Variants in OPRM1 observed in about 807,000 individuals in gnomAD.
OPRM1 encodes the protein opioid receptor mu 1, also known as mu-type opioid receptor.
Under a neutral mutation model 31.8 loss-of-function variants are expected in OPRM1, and 27 were observed. That is an observed-to-expected ratio of 0.85 (90% CI 0.63 to 1.17). OPRM1 has a LOEUF of 1.17. OPRM1 is among the 50% of genes most tolerant of loss of function. The pLI is 0.00. For missense variants in OPRM1, 536 were observed against 511.1 expected (o/e 1.05, Z -0.47); for synonymous variants, 196 against 189.9 (o/e 1.03, Z -0.26).
intron 1 of OPRM1, among the ~76,000 whole-genome samples, chr6:154,057,504 G>C (rs1783543589): frequency 6.6e-6 from 1 of 152,086 alleles, no homozygotes; most frequent in East Asian, 1.9e-4. Flanking sequence ...CCATCAATGT[G>C]ATAACTTCTT....
Position 154,177,999 on chromosome 6 carries a change from T to C in OPRM1, c.1165-68694T>C, listed in dbSNP as rs565944755. Reference sequence around the variant, plus strand: ...TTCATGTCCTTTATAGGGACATGGATGAAGCTGGAAACCATCATTCTCAGC... The same window carrying C: ...TTCATGTCCTTTATAGGGACATGGACGAAGCTGGAAACCATCATTCTCAGC... On this transcript the variant is annotated intron_variant, in intron 3 of 3. Transcript: ENST00000337049. 4.2e-3 allele frequency among the ~76,000 whole-genome samples: 632 copies of C among 152,224 alleles called. 6 individuals are homozygous for C. The highest frequency in any genetic ancestry group is 0.014 in the African/African-American group (599 of 41,518).
intron 3 of OPRM1, among the ~76,000 whole-genome samples, chr6:154,148,061 G>A (rs1450905214): frequency 6.6e-6 from 1 of 152,148 alleles, no homozygotes; most frequent in African/African-American, 2.4e-5. Flanking sequence ...ACTTTTTCAA[G>A]GCTCTTTCAG....
intron 3 of OPRM1, chr6:154,108,778 T>A: frequency 3.0e-6 from 3 of 985,384 alleles, no homozygotes; most frequent in Non-Finnish European, 3.6e-6. Flanking sequence ...AAACTTTTAA[T>A]TGACTCCCAT....
intron 3 of OPRM1, among the ~76,000 whole-genome samples, chr6:154,177,258 C>A (rs1474305466): frequency 6.6e-6 from 1 of 152,174 alleles, no homozygotes; most frequent in East Asian, 1.9e-4. Context: ...ACACCAAAAG[C>A]AATGGCAACA....
intron 3 of OPRM1, among the ~76,000 whole-genome samples, chr6:154,224,732 AAAAG>A (rs932350679): frequency 6.6e-6 from 1 of 152,068 alleles, no homozygotes; most frequent in African/African-American, 2.4e-5. Context: ...ACAAACAAAA[AAAAG>A]AGATTCAAAA....
At chr6:154,171,741 T>C (rs1012065971) in intron 3 of OPRM1, among the ~76,000 whole-genome samples, 3 of 152,180 alleles carry the variant, frequency 2.0e-5, no homozygotes, top group Non-Finnish European at 4.4e-5. Context: ...CTGGAGACAC[T>C]GGAAAGTCTT....
chr6:154,017,410 G>A (rs1778067512), intron 1 of OPRM1, among the ~76,000 whole-genome samples: 1 of 152,178 alleles, frequency 6.6e-6, no homozygotes, highest in African/African-American at 2.4e-5. Flanking sequence ...AGCGTCTCTT[G>A]TAGGCTTTTA....
At chr6:154,152,327 G>GAAAAAGA (rs1554285056) in intron 3 of OPRM1, among the ~76,000 whole-genome samples, 1 of 28,646 alleles carries the variant, frequency 3.5e-5, no homozygotes, top group African/African-American at 1.4e-4. Flanking sequence ...AAGAAAGAAA[G>GAAAAAGA]AAAGAAAGAA....
At chr6:154,194,166 G>A (rs551288416) in intron 3 of OPRM1, among the ~76,000 whole-genome samples, 242 of 152,294 alleles carry the variant, frequency 1.6e-3, no homozygotes, top group African/African-American at 5.5e-3. Context: ...TTGGGAGGCC[G>A]AGGCGGGTGG....
At chr6:154,021,160 G>C (rs572082668) in intron 1 of OPRM1, among the ~76,000 whole-genome samples, 5 of 152,252 alleles carry the variant, frequency 3.3e-5, no homozygotes, top group Non-Finnish European at 7.4e-5. Context: ...TCTATGTCTA[G>C]ATTCATCTTT....
chr6:154,103,128 T>C (rs1294489521), intron 3 of OPRM1, among the ~76,000 whole-genome samples: 2 of 152,096 alleles, frequency 1.3e-5, no homozygotes, highest in Admixed American at 6.5e-5. Flanking sequence ...ATGGCGATAT[T>C]AAAACATTAA....
chr6:154,017,126 C>G (rs890192325), intron 1 of OPRM1, among the ~76,000 whole-genome samples: 1 of 152,094 alleles, frequency 6.6e-6, no homozygotes, highest in African/African-American at 2.4e-5. Flanking sequence ...AATTTCTCTC[C>G]TCTCTCCCTC....
At chr6:154,246,712 T>C in exon 4 of OPRM1, 2 of 1,614,092 alleles carry the variant, frequency 1.2e-6, no homozygotes, top group African/African-American at 1.3e-5. Flanking sequence ...GCAGTCAGCA[T>C]GGCCCAGATC....
intron 1 of OPRM1, among the ~76,000 whole-genome samples, chr6:154,064,637 C>A (rs914451651): frequency 6.6e-6 from 1 of 152,066 alleles, no homozygotes; most frequent in African/African-American, 2.4e-5. Flanking sequence ...ATATTTAGGT[C>A]TTTGATCCAT....
intron 3 of OPRM1, among the ~76,000 whole-genome samples, chr6:154,098,818 A>T (rs1227948657): frequency 6.6e-6 from 1 of 152,176 alleles, no homozygotes; most frequent in African/African-American, 2.4e-5. Context: ...TGTAGAACAA[A>T]ATTTGTCTTA....
Position 154,212,799 on chromosome 6 carries a change from G to C in OPRM1, c.1165-33894G>C, listed in dbSNP as rs766686514. ...GACTGAGTCTGGGAAGCGTGAGGAG[G>C]GGGTGGTGTCTCCGCAGCTATTTCT... On this transcript the variant is annotated intron_variant, in intron 3 of 3. Coordinates refer to the OPRM1 transcript ENST00000337049. 8.1e-6 allele frequency: 13 copies of C among 1,613,456 alleles called. No homozygotes were observed. Among genetic ancestry groups the C allele is most frequent in the East Asian group, 6.7e-5 (3 of 44,896 alleles).
rs745444393 is a variant in OPRM1 at position 154,123,331 on chromosome 6, C to G, written c.*4610C>G. On this transcript the variant is annotated 3_prime_UTR_variant, in exon 4 of 4. Transcript: ENST00000330432. Reference sequence around the variant, plus strand: ...AGGAGGAAACTTTTTCCTGGGAGCCCACTAATCACACAGTGAACAAAAGGC... The same window carrying G: ...AGGAGGAAACTTTTTCCTGGGAGCCGACTAATCACACAGTGAACAAAAGGC... Among the ~76,000 whole-genome samples the G allele has an allele frequency of 2.6e-5, 4 of 152,122 alleles. No homozygotes were observed. Among genetic ancestry groups the G allele is most frequent in the Non-Finnish European group, 5.9e-5 (4 of 68,022 alleles).
At chr6:154,094,623 TC>T (rs1198591290) in intron 3 of OPRM1, among the ~76,000 whole-genome samples, 1 of 152,122 alleles carries the variant, frequency 6.6e-6, no homozygotes, top group African/African-American at 2.4e-5. Context: ...ACTCTTACCG[TC>T]TAGCATGTTA....
chr6:154,048,495 C>T (rs1781589701), intron 1 of OPRM1, among the ~76,000 whole-genome samples: 1 of 152,134 alleles, frequency 6.6e-6, no homozygotes, highest in Admixed American at 6.5e-5. Flanking sequence ...TATAAAATGT[C>T]ACTTGATAAA....
Sources: gnomAD v4.1 joint callset for allele counts (sites outside exome capture counted in the v4.1 genomes callset) on GRCh38, gnomAD v4.1.1 for gene constraint, MANE v1.5 for transcripts, NCBI Gene and HGNC (gene_info 2026-07-23, HGNC 2026-07-21) for gene names.